PRKG1: variants seen among roughly 807,000 people sequenced by gnomAD.
PRKG1 encodes the protein protein kinase cGMP-dependent 1.
PRKG1 carries 35 observed loss-of-function variants against 88.1 expected under a neutral mutation model. The observed-to-expected ratio is 0.40, with a 90% CI of 0.30 to 0.53. PRKG1 has a LOEUF of 0.53. Among genes scored for constraint, PRKG1 ranks in the 20% least tolerant of loss-of-function variants. PRKG1 has a pLI of 0.59. For synonymous variants in PRKG1, 303 were observed against 292.5 expected (o/e 1.04, Z -0.37); for missense variants, 540 against 839.8 (o/e 0.64, Z 4.41).
intron 3 of PRKG1, among the ~76,000 whole-genome samples, chr10:51,582,821 T>A (rs1838074753): frequency 6.6e-6 from 1 of 152,118 alleles, no homozygotes; most frequent in Non-Finnish European, 1.5e-5. Context: ...TATTGGGAAT[T>A]CCATGGGATT....
intron 3 of PRKG1, among the ~76,000 whole-genome samples, chr10:51,691,341 T>C (rs1277654917): frequency 6.7e-6 from 1 of 150,060 alleles, no homozygotes; most frequent in Non-Finnish European, 1.5e-5. Flanking sequence ...AAGGTCTTGC[T>C]CTGTCACCCA....
At chr10:52,258,623 A>T (rs1208747593) in intron 10 of PRKG1, among the ~76,000 whole-genome samples, 1 of 152,082 alleles carries the variant, frequency 6.6e-6, no homozygotes, top group Non-Finnish European at 1.5e-5. Flanking sequence ...TAATGGGTAC[A>T]TCATATTAGG....
intron 3 of PRKG1, among the ~76,000 whole-genome samples, chr10:51,656,535 C>G (rs1840164453): frequency 6.6e-6 from 1 of 152,000 alleles, no homozygotes; most frequent in Admixed American, 6.6e-5. Context: ...TGTTTGCTAC[C>G]CTAAACTGAT....
chr10:52,186,690 G>A (rs1839210059), intron 9 of PRKG1, among the ~76,000 whole-genome samples: 1 of 151,374 alleles, frequency 6.6e-6, no homozygotes, highest in African/African-American at 2.4e-5. Flanking sequence ...TTGAGTTATG[G>A]CCATCAAAAA....
chr10:52,054,604 T>G (rs779290017), intron 6 of PRKG1, 43 bp downstream of exon 6: 2 of 1,566,066 alleles, frequency 1.3e-6, no homozygotes, highest in East Asian at 4.5e-5. Context: ...TAGGGGAGCC[T>G]GGGGTTGGTT....
intron 3 of PRKG1, among the ~76,000 whole-genome samples, chr10:51,678,192 A>G (rs1039788457): frequency 6.6e-6 from 1 of 152,180 alleles, no homozygotes; most frequent in Non-Finnish European, 1.5e-5. Context: ...ACACCTATGC[A>G]GCTAGCTCCA....
At chr10:51,024,992 G>A (rs1256945331) in intron 1 of PRKG1, among the ~76,000 whole-genome samples, 1 of 152,094 alleles carries the variant, frequency 6.6e-6, no homozygotes, top group East Asian at 1.9e-4. Flanking sequence ...GCCATACCAT[G>A]GCTCACTTTG....
chr10:52,112,630 T>C (rs917962497), intron 7 of PRKG1, among the ~76,000 whole-genome samples: 1 of 152,210 alleles, frequency 6.6e-6, no homozygotes, highest in Non-Finnish European at 1.5e-5. Flanking sequence ...GCTTTTTCTA[T>C]TCCTGTGAGA....
rs1359532407 is a variant in PRKG1, at chr10:52,292,503, C to T, written c.1963-1299C>T. ...TATGGCTAGCCAGTTTTCCCAGCACCATTTATTAAATAGGGAATCGTTTCC... is the reference window on the plus strand; with the variant it reads ...TATGGCTAGCCAGTTTTCCCAGCACTATTTATTAAATAGGGAATCGTTTCC... On this transcript the variant is annotated intron_variant, in intron 17 of 17. Transcript: ENST00000373980. 1.3e-4 allele frequency among the ~76,000 whole-genome samples: 19 copies of T among 151,992 alleles called. No individual in the cohort carries two copies. The East Asian group carries it at 3.7e-3, about 29-fold the overall frequency.
At chr10:51,137,259 T>G (rs1845711159) in intron 1 of PRKG1, among the ~76,000 whole-genome samples, 1 of 150,910 alleles carries the variant, frequency 6.6e-6, no homozygotes. Context: ...CAGGGAGGAG[T>G]GGTAAATTGT....
intron 2 of PRKG1, among the ~76,000 whole-genome samples, chr10:51,305,060 T>C (rs912341315): frequency 7.9e-5 from 12 of 152,126 alleles, no homozygotes; most frequent in African/African-American, 2.4e-4. Flanking sequence ...AACTTGTCAG[T>C]TGGACAGATC....
At chr10:51,065,720 A>C (rs1843741771) in intron 1 of PRKG1, among the ~76,000 whole-genome samples, 1 of 152,126 alleles carries the variant, frequency 6.6e-6, no homozygotes, top group Non-Finnish European at 1.5e-5. Context: ...TTATTTATTC[A>C]ACGCAATTAG....
intron 2 of PRKG1, among the ~76,000 whole-genome samples, chr10:51,171,455 C>T (rs1031781019): frequency 5.9e-5 from 9 of 152,012 alleles, no homozygotes; most frequent in African/African-American, 1.9e-4. Context: ...AGGTTTATTC[C>T]GTCTTATTTG....
At chr10:51,640,853 A>C (rs1839781362) in intron 3 of PRKG1, among the ~76,000 whole-genome samples, 1 of 86,740 alleles carries the variant, frequency 1.2e-5, no homozygotes, top group Admixed American at 1.4e-4. Flanking sequence ...TGGTCAGAAT[A>C]AAAGACATGA....
intron 5 of PRKG1, among the ~76,000 whole-genome samples, chr10:51,997,368 G>A (rs1844474448): frequency 6.6e-6 from 1 of 151,530 alleles, no homozygotes; most frequent in Admixed American, 6.6e-5. Context: ...CTACTCGGGA[G>A]GCTGAGGCAC....
chr10:51,279,681 C>G (rs914323170), intron 2 of PRKG1, among the ~76,000 whole-genome samples: 1 of 152,144 alleles, frequency 6.6e-6, no homozygotes, highest in African/African-American at 2.4e-5. Context: ...TCTGTTTTAT[C>G]AGAGACTAGG....
At chr10:51,716,822 G>T (rs1398289825) in intron 3 of PRKG1, among the ~76,000 whole-genome samples, 1 of 152,026 alleles carries the variant, frequency 6.6e-6, no homozygotes, top group Admixed American at 6.6e-5. Context: ...CCTCCCAAGT[G>T]ACTGGGATTA....
intron 3 of PRKG1, among the ~76,000 whole-genome samples, chr10:51,663,307 A>C (rs1160052078): frequency 6.6e-6 from 1 of 152,022 alleles, no homozygotes; most frequent in African/African-American, 2.4e-5. Context: ...CTCTAAAAGA[A>C]CTCACCAAGG....
intron 7 of PRKG1, among the ~76,000 whole-genome samples, chr10:52,086,729 C>T (rs944856531): frequency 2.0e-5 from 3 of 152,016 alleles, no homozygotes; most frequent in Non-Finnish European, 4.4e-5. Context: ...TCAAACAATT[C>T]GCTATATGTG....
Sources: allele counts gnomAD v4.1 joint callset (sites outside exome capture counted in the v4.1 genomes callset), GRCh38; gene constraint gnomAD v4.1.1; transcripts MANE v1.5; gene names NCBI Gene and HGNC (gene_info 2026-07-23, HGNC 2026-07-21).